The following SLC12A7 variants were observed in gnomAD, a reference collection of about 807,000 sequenced individuals.
The protein encoded by SLC12A7 is solute carrier family 12 member 7.
A neutral mutation model predicts 120.6 loss-of-function variants in SLC12A7; 100 were observed. The ratio of observed to expected loss-of-function variants is 0.83; its 90% CI spans 0.71 to 0.98. The LOEUF (loss-of-function observed/expected upper bound fraction) is 0.98. SLC12A7 is among the 50% of genes least tolerant of loss of function. The pLI is 0.00. For synonymous variants in SLC12A7, 760 were observed against 678.0 expected (o/e 1.12, Z -1.88); for missense variants, 1,373 against 1,548.1 (o/e 0.89, Z 1.90).
rs1487582421 is a variant in SLC12A7, at chr5:1,081,604, C to A, written c.1270G>T (p.Val424Phe). The A allele has an allele frequency of 1.2e-6, 2 of 1,606,916 alleles. No homozygotes were observed. Among genetic ancestry groups the A allele is most frequent in the Middle Eastern group, 1.7e-4 (1 of 6,042 alleles). ...TDIAASFTLL[V>F]GIYFPSVTGI... ...GTCACGGAAGGGAAGTAGATGCCAA[C>A]CAGCAGGGTGAAGGAGGCCGCGATG... Residue 424 changes from valine to phenylalanine, a missense_variant, in exon 9 of 24, where the codon GTT becomes TTT. Val to Phe is a conservative substitution (Grantham distance 50). Coordinates refer to ENST00000264930, the MANE Select transcript of SLC12A7 (RefSeq NM_006598.3).
upstream of SLC12A7, among the ~76,000 whole-genome samples, chr5:1,115,411 C>G (rs1279739951): frequency 6.6e-6 from 1 of 152,238 alleles, no homozygotes; most frequent in Non-Finnish European, 1.5e-5. Context: ...AGGGCTCTCA[C>G]CAGACGCAGG....
At chr5:1,079,687 C>A (rs750542275) in intron 9 of SLC12A7, among the ~76,000 whole-genome samples, 191 bp from the exon 10 acceptor site, 1 of 152,176 alleles carries the variant, frequency 6.6e-6, no homozygotes. Context: ...CCCAGGCACG[C>A]GGATGAGCAC....
At chr5:1,094,126 A>G (rs1434072281) in intron 2 of SLC12A7, 28 bp downstream of exon 2, 1 of 1,579,078 alleles carries the variant, frequency 6.3e-7, no homozygotes, top group South Asian at 1.1e-5. Context: ...CGGCCCTGGC[A>G]CCTTCTTCTT....
chr5:1,082,013 C>CTA (rs1739182476), intron 8 of SLC12A7, among the ~76,000 whole-genome samples: 2 of 105,760 alleles, frequency 1.9e-5, no homozygotes, highest in African/African-American at 6.0e-5. Flanking sequence ...CTTCCCGTCT[C>CTA]GGGTTCTGGA....
the SLC12A7 span, among the ~76,000 whole-genome samples, chr5:1,119,064 T>G: frequency 6.6e-6 from 1 of 152,202 alleles, no homozygotes; most frequent in Admixed American, 6.5e-5. Context: ...CCGCATCTGG[T>G]GTGCTCACCC....
At position 1,068,390 on chromosome 5, in the gene SLC12A7, C is replaced by T. The variant is rs564402132; in HGVS notation, c.2242-2912G>A. Among the ~76,000 whole-genome samples the T allele has an allele frequency of 1.6e-3, 246 of 152,164 alleles. 1 individual carries two copies. Among genetic ancestry groups the T allele is most frequent in the South Asian group, 3.9e-3 (19 of 4,824 alleles). On this transcript the variant is annotated intron_variant, in intron 17 of 23. Transcript: ENST00000264930. ...TGGAGGTTGCAGTGAGCTGAGACGG[C>T]GCCACTGCACTGCAGCCTGGGCAAC...
chr5:1,147,498 G>A, the SLC12A7 span, among the ~76,000 whole-genome samples: 6 of 152,016 alleles, frequency 3.9e-5, no homozygotes, highest in South Asian at 6.3e-4. Flanking sequence ...TCTCGGGGCC[G>A]CCTCCTGGAG....
chr5:1,052,009 G>T lies in SLC12A7; in HGVS notation c.*351C>A. ...GGGGTAGAAATGCAACCTAACCACT[G>T]GGTAAATCCAGCCAAGGAAAAGAAC... On this transcript the variant is annotated 3_prime_UTR_variant, in exon 24 of 24. Transcript: ENST00000264930. 1 of 322,006 alleles carries T rather than the reference G, an allele frequency of 3.1e-6. No individual in the cohort carries two copies. Among genetic ancestry groups the T allele is most frequent in the Non-Finnish European group, 5.7e-6 (1 of 174,512 alleles). The allele number at this position is 322,006 out of a possible 1,614,324, so 19.9% of individuals were successfully genotyped here.
chr5:1,050,862 C>T lies in SLC12A7; in HGVS notation c.*1498G>A, dbSNP rs1266008461. On this transcript the variant is annotated 3_prime_UTR_variant, in exon 24 of 24. Transcript: ENST00000264930. The stretch of plus-strand genomic sequence containing the variant: ...CAGCAATGCCAGCCCTAGTCTGGCT[C>T]CTCAGAAACATCTGGGGGCACAAGT... 2.5e-6 allele frequency: 1 copy of T among 398,534 alleles called. No individual in the cohort carries two copies. Among genetic ancestry groups the T allele is most frequent in the Non-Finnish European group, 4.4e-6 (1 of 226,076 alleles). 24.7% of individuals were successfully genotyped at this position (398,534 alleles called of 1,614,324 possible).
At chr5:1,144,204 G>A in the SLC12A7 span, among the ~76,000 whole-genome samples, 632 of 152,280 alleles carry the variant, frequency 4.2e-3, 1 homozygote, top group Non-Finnish European at 5.2e-3. Flanking sequence ...CAACCTCAGG[G>A]AGGGGAAGTT....
chr5:1,153,886 G>C, the SLC12A7 span, among the ~76,000 whole-genome samples: 1 of 152,076 alleles, frequency 6.6e-6, no homozygotes, highest in Non-Finnish European at 1.5e-5. Flanking sequence ...CTTCCTTTAG[G>C]GAGGAGACCA....
intron 12 of SLC12A7, 51 bp downstream of exon 12, chr5:1,077,782 G>C: frequency 6.7e-7 from 1 of 1,493,340 alleles, no homozygotes; most frequent in Non-Finnish European, 9.0e-7. Flanking sequence ...GGGGAGGAGA[G>C]CCCCCGACCC....
chr5:1,131,574 G>A, the SLC12A7 span, among the ~76,000 whole-genome samples: 1 of 152,208 alleles, frequency 6.6e-6, no homozygotes, highest in Admixed American at 6.5e-5. Flanking sequence ...CACCTCTCCT[G>A]CCTGGTGTTG....
intron 17 of SLC12A7, among the ~76,000 whole-genome samples, chr5:1,069,247 C>T (rs1161636093): frequency 1.3e-5 from 2 of 152,164 alleles, no homozygotes; most frequent in Non-Finnish European, 2.9e-5. Context: ...CCATTTTTTA[C>T]CTCCATGGGA....
At chr5:1,153,170 G>C in the SLC12A7 span, among the ~76,000 whole-genome samples, 1 of 152,184 alleles carries the variant, frequency 6.6e-6, no homozygotes, top group African/African-American at 2.4e-5. Flanking sequence ...GTGGGCACAG[G>C]GTCTCTACCC....
chr5:1,111,378 TG>T lies in SLC12A7; in HGVS notation c.124+489del, dbSNP rs1313268517. Among the ~76,000 whole-genome samples, 3 of 151,396 alleles carry T rather than the reference TG, an allele frequency of 2.0e-5. No homozygotes were observed. The East Asian group carries it at 5.9e-4, about 30-fold the overall frequency. On this transcript the variant is annotated intron_variant, in intron 1 of 23. Coordinates refer to ENST00000264930, the MANE Select transcript of SLC12A7 (RefSeq NM_006598.3). ...GGCGCAGTCCTTCCTGTTCCGCCTC[TG>T]GGGGGTGGGCGGCTCCTCCAGGGTC... is the stretch of plus-strand genomic sequence containing the variant.
chr5:1,155,638 C>T, the SLC12A7 span, among the ~76,000 whole-genome samples: 1 of 151,274 alleles, frequency 6.6e-6, no homozygotes, highest in Non-Finnish European at 1.5e-5. Flanking sequence ...CGCCCACCTG[C>T]GCCCCTCGAG....
At chr5:1,091,846 G>A (rs1159916807) in intron 3 of SLC12A7, among the ~76,000 whole-genome samples, 1 of 152,232 alleles carries the variant, frequency 6.6e-6, no homozygotes, top group African/African-American at 2.4e-5. Context: ...TGAGTGCTGA[G>A]CCTGGCAACA....
At chr5:1,066,465 T>C (rs1737065945) in intron 17 of SLC12A7, among the ~76,000 whole-genome samples, 1 of 152,168 alleles carries the variant, frequency 6.6e-6, no homozygotes, top group African/African-American at 2.4e-5. Flanking sequence ...GTGAACATAC[T>C]GTACATGTGT....
Sources: allele counts gnomAD v4.1 joint callset (sites outside exome capture counted in the v4.1 genomes callset), GRCh38; gene constraint gnomAD v4.1.1; transcripts MANE v1.5; gene names NCBI Gene and HGNC (gene_info 2026-07-23, HGNC 2026-07-21).